PTPRU: variants seen among roughly 807,000 people sequenced by gnomAD.
PTPRU encodes the protein receptor-type tyrosine-protein phosphatase U.
In PTPRU, 69 loss-of-function variants were observed where a neutral mutation model predicts 166.3. The observed-to-expected ratio is 0.41, with a 90% confidence interval of 0.34 to 0.51. The LOEUF (loss-of-function observed/expected upper bound fraction) is 0.51. Among genes scored for constraint, PTPRU ranks in the 20% least tolerant of loss-of-function variants. The pLI is 0.09. For synonymous variants in PTPRU, 793 were observed against 814.0 expected (o/e 0.97, Z 0.44); for missense variants, 1,657 against 2,013.7 (o/e 0.82, Z 3.39).
At chr1:29,263,523 A>G (rs757702858) in intron 7 of PTPRU, among the ~76,000 whole-genome samples, 5 of 152,210 alleles carry the variant, frequency 3.3e-5, no homozygotes, top group Non-Finnish European at 7.3e-5. Flanking sequence ...TATGTACCAT[A>G]TATATCATAA....
intron 2 of PTPRU, 75 bp from the exon 3 acceptor site, chr1:29,258,430 A>C: frequency 6.6e-7 from 1 of 1,506,202 alleles, no homozygotes; most frequent in Non-Finnish European, 9.0e-7. Flanking sequence ...AGTCCTCCTC[A>C]GTGCTCCCCT....
In PTPRU at chr1:29,241,250, G is replaced by A. The variant is rs142902650; in HGVS notation, c.73+4533G>A. ...GAGCTATTTGGATGGGTGGTGTCTC[G>A]CTATCTAGGTGTGGACAACCCAGTA... On this transcript the variant is annotated intron_variant, in intron 1 of 29. Coordinates refer to ENST00000373779, the MANE Select transcript of PTPRU (RefSeq NM_133178.4). Among the ~76,000 whole-genome samples the A allele has an allele frequency of 9.2e-4, 140 of 152,196 alleles. 1 individual carries two copies. The highest frequency in any genetic ancestry group is 3.4e-3 in the Middle Eastern group (1 of 294).
intron 5 of PTPRU, 32 bp from the exon 6 acceptor site, chr1:29,259,838 C>T: frequency 3.3e-6 from 5 of 1,508,114 alleles, no homozygotes; most frequent in Non-Finnish European, 4.4e-6. Flanking sequence ...CGCTCCGAGG[C>T]GCCCCTGACC....
chr1:29,275,522 C>G lies in PTPRU; in HGVS notation c.1219C>G (p.Leu407Val), dbSNP rs749198271. 6.2e-7 allele frequency: 1 copy of G among 1,614,234 alleles called. No homozygotes were observed. Among genetic ancestry groups the G allele is most frequent in the Non-Finnish European group, 8.5e-7 (1 of 1,180,036 alleles). The change falls in exon 8 of 30, where the codon CTG becomes GTG. Residue 407 changes from leucine to valine, a missense_variant. Around this residue, in one of 3 missense-constraint regions of PTPRU, gnomAD observed 1,190 missense variants for 1,477.4 expected, o/e 0.81. Transcript: ENST00000373779. ...ARQLTLQWEP[L>V]GYNVTRCHTY... ...TCAGCTGACCCTGCAGTGGGAACCA[C>G]TGGGCTACAACGTGACGCGTTGCCA...
chr1:29,260,486 T>G lies in PTPRU; in HGVS notation c.851-124T>G. 1 of 752,770 alleles carries G rather than the reference T, an allele frequency of 1.3e-6. No individual in the cohort carries two copies. The highest frequency in any genetic ancestry group is 2.0e-6 in the Non-Finnish European group (1 of 506,706). 46.6% of individuals were successfully genotyped at this position (752,770 alleles called of 1,614,324 possible). On this transcript the variant is annotated intron_variant, in intron 6 of 29. Coordinates refer to ENST00000373779, the MANE Select transcript of PTPRU (RefSeq NM_133178.4). The surrounding 1 kb of genome is among the most constrained non-coding windows in gnomAD (Gnocchi z 8.3). The stretch of plus-strand genomic sequence containing the variant: ...TAGGAGAGCGGGTCTGGTTGAGGGC[T>G]TGGTAGCAGCGTGAGAGGCCCTAGG...
In PTPRU at chr1:29,275,540, C is replaced by T. The variant is rs771686501; in HGVS notation, c.1237C>T (p.Arg413Cys). The T allele has an allele frequency of 1.9e-6, 3 of 1,614,112 alleles. No homozygotes were observed. The highest frequency in any genetic ancestry group is 1.3e-5 in the African/African-American group (1 of 74,948). Residue 413 changes from arginine (R) to cysteine (C), a missense_variant, in exon 8 of 30, where the codon CGT (arginine) becomes TGT (cysteine). This residue lies in a region of PTPRU where 1,190 missense variants were observed against 1,477.4 expected (regional missense o/e 0.81). Coordinates refer to ENST00000373779, the MANE Select transcript of PTPRU (RefSeq NM_133178.4). ...GGAACCACTGGGCTACAACGTGACG[C>T]GTTGCCACACCTATACTGTGTCGCT... ...QWEPLGYNVTRCHTYTVSLCY... is the reference protein window; with the variant it reads ...QWEPLGYNVTCCHTYTVSLCY...
chr1:29,283,033 C>A, intron 12 of PTPRU, 84 bp downstream of exon 12: 3 of 1,546,476 alleles, frequency 1.9e-6, no homozygotes, highest in Non-Finnish European at 2.6e-6. Flanking sequence ...AGGCCCAGCG[C>A]AGACTCCAGG....
intron 25 of PTPRU, among the ~76,000 whole-genome samples, chr1:29,319,439 A>C (rs1402776153): frequency 6.6e-6 from 1 of 152,146 alleles, no homozygotes; most frequent in Non-Finnish European, 1.5e-5. Context: ...GACCCCAGCC[A>C]TGCAGGTCCT....
chr1:29,258,454 T>G (rs1489497140), intron 2 of PTPRU, 51 bp from the exon 3 acceptor site: 1 of 1,576,884 alleles, frequency 6.3e-7, no homozygotes, highest in Non-Finnish European at 8.6e-7. Context: ...CCTGGCCCTG[T>G]CCCTCCCCTG....
rs904539888 is a variant in PTPRU at position 29,317,186 on chromosome 1, G to A, written c.3514-562G>A. On this transcript the variant is annotated intron_variant, in intron 24 of 29. Transcript: ENST00000373779. The surrounding 1 kb of genome is among the most constrained non-coding windows in gnomAD (Gnocchi z 5.6). Reference sequence around the variant, plus strand: ...GGATGCGTGAGGTGTGAAGGCATGCGGGCGGAGGAGATGCCCCGGAGATCC... The same window carrying A: ...GGATGCGTGAGGTGTGAAGGCATGCAGGCGGAGGAGATGCCCCGGAGATCC... Among the ~76,000 whole-genome samples, 4 of 152,154 alleles carry A rather than the reference G, an allele frequency of 2.6e-5. No homozygotes were observed. Among genetic ancestry groups the A allele is most frequent in the Admixed American group, 2.0e-4 (3 of 15,270 alleles).
chr1:29,260,222 G>A lies in PTPRU; in HGVS notation c.850+178G>A, dbSNP rs1463376045. ...CAGTGGCCCAGCCGGGATGAGATCT[G>A]ATCTAGGGGTCGGGGCTGGCTTCGA... On this transcript the variant is annotated intron_variant, in intron 6 of 29. Transcript: ENST00000373779. The surrounding 1 kb of genome is among the most constrained non-coding windows in gnomAD (Gnocchi z 8.3). 2.3e-5 allele frequency: 17 copies of A among 724,028 alleles called. No homozygotes were observed. Among genetic ancestry groups the A allele is most frequent in the Non-Finnish European group, 3.4e-5 (17 of 496,188 alleles). 44.9% of individuals were successfully genotyped at this position (724,028 alleles called of 1,614,324 possible). A position where few individuals can be genotyped will look rare whatever the true frequency, so the allele number is the denominator to read the frequency against.
chr1:29,262,439 G>C (rs1685110750), intron 7 of PTPRU, among the ~76,000 whole-genome samples: 1 of 152,140 alleles, frequency 6.6e-6, no homozygotes, highest in African/African-American at 2.4e-5. Flanking sequence ...TCAACTTGAG[G>C]CTTGAAAAGG....
intron 7 of PTPRU, among the ~76,000 whole-genome samples, chr1:29,263,334 G>A (rs1685154525): frequency 6.6e-6 from 1 of 152,146 alleles, no homozygotes; most frequent in Non-Finnish European, 1.5e-5. Context: ...ATTGTAGCAT[G>A]TATCAATACT....
Position 29,320,882 on chromosome 1 carries a change from T to G in PTPRU, c.3828+57T>G, listed in dbSNP as rs1457397169. On this transcript the variant is annotated intron_variant, in intron 26 of 29. Coordinates refer to ENST00000373779, the MANE Select transcript of PTPRU (RefSeq NM_133178.4). This position sits in a 1 kb window ranked among gnomAD's most constrained non-coding sequence, Gnocchi z 5.2. Reference sequence around the variant, plus strand: ...GCCTGCTCCCAGGTCCTCTGTGTATTCAGGGCCATGGTCCCCAAAGCCAAA... The same window carrying G: ...GCCTGCTCCCAGGTCCTCTGTGTATGCAGGGCCATGGTCCCCAAAGCCAAA... The G allele has an allele frequency of 6.9e-7, 1 of 1,458,620 alleles. No individual in the cohort carries two copies. The highest frequency in any genetic ancestry group is 9.1e-7 in the Non-Finnish European group (1 of 1,095,478). The allele number at this position is 1,458,620 out of a possible 1,614,324, so 90.4% of individuals were successfully genotyped here. A position where few individuals can be genotyped will look rare whatever the true frequency, so the allele number is the denominator to read the frequency against.
intron 22 of PTPRU, among the ~76,000 whole-genome samples, chr1:29,313,887 G>C (rs1381268434): frequency 6.6e-6 from 1 of 152,078 alleles, no homozygotes; most frequent in East Asian, 1.9e-4. Context: ...GTTAAGAAAG[G>C]AGCAGAACAT....
chr1:29,293,154 A>G (rs142188773), intron 15 of PTPRU, among the ~76,000 whole-genome samples: 182 of 152,072 alleles, frequency 1.2e-3, no homozygotes, highest in Middle Eastern at 3.4e-3. Context: ...TAATTTTTGT[A>G]TTTTTAGTAG....
At chr1:29,245,397 G>C (rs1353023492) in intron 1 of PTPRU, among the ~76,000 whole-genome samples, 1 of 152,138 alleles carries the variant, frequency 6.6e-6, no homozygotes, top group Non-Finnish European at 1.5e-5. Flanking sequence ...TGTAGGTAGA[G>C]AGTTTTCCAG....
intron 19 of PTPRU, 127 bp downstream of exon 19, chr1:29,310,907 T>A (rs571919180): frequency 3.8e-5 from 45 of 1,198,134 alleles, no homozygotes; most frequent in Non-Finnish European, 5.5e-5. Context: ...ACCGTCGCCA[T>A]ATTCTGGCTC....
intron 7 of PTPRU, among the ~76,000 whole-genome samples, chr1:29,268,458 A>G (rs113115936): frequency 4.3e-4 from 66 of 152,330 alleles, no homozygotes; most frequent in African/African-American, 1.4e-3. Flanking sequence ...TAAACATCCT[A>G]CAATGCACAG....
Sources: allele counts gnomAD v4.1 joint callset (sites outside exome capture counted in the v4.1 genomes callset), GRCh38; gene constraint gnomAD v4.1.1; regional missense constraint gnomAD v4.1.1; non-coding constraint Gnocchi (gnomAD v3.1); transcripts MANE v1.5; gene names NCBI Gene and HGNC (gene_info 2026-07-23, HGNC 2026-07-21).